Variants in SUGCT observed in about 807,000 individuals in gnomAD.
The protein encoded by SUGCT is succinyl-CoA:glutarate-CoA transferase.
A neutral mutation model predicts 55.0 loss-of-function variants in SUGCT; 41 were observed. The ratio of observed to expected loss-of-function variants is 0.74; its 90% CI spans 0.58 to 0.97. SUGCT has a LOEUF of 0.97. Ranked by LOEUF, SUGCT falls within the 50% of genes least tolerant of loss-of-function variation. The probability of loss-of-function intolerance (pLI) is 0.00; values close to 1 mark genes in which losing one functional copy is unlikely to be tolerated. For synonymous variants in SUGCT, 187 were observed against 200.4 expected, an observed-to-expected ratio of 0.93 and a Z score of 0.56; for missense variants, 568 against 547.8, an observed-to-expected ratio of 1.04 and a Z score of -0.37.
At chr7:40,692,068 A>G (rs949201074) in intron 12 of SUGCT, among the ~76,000 whole-genome samples, 4 of 152,080 alleles carry the variant, frequency 2.6e-5, no homozygotes, top group African/African-American at 9.7e-5. Flanking sequence ...TCGCTGTATC[A>G]CCTCTGCCTC....
At chr7:40,910,758 T>C in the SUGCT span, among the ~76,000 whole-genome samples, 3 of 152,220 alleles carry the variant, frequency 2.0e-5, no homozygotes, top group Admixed American at 2.0e-4. Context: ...GCACACTTAC[T>C]ATACCTCTCT....
chr7:40,443,033 C>T (rs1788605385), intron 9 of SUGCT, among the ~76,000 whole-genome samples: 1 of 152,132 alleles, frequency 6.6e-6, no homozygotes, highest in Non-Finnish European at 1.5e-5. Flanking sequence ...TCATCCATGT[C>T]CCTACAAAGG....
intron 12 of SUGCT, among the ~76,000 whole-genome samples, chr7:40,612,061 A>G (rs575908170): frequency 9.9e-5 from 15 of 151,538 alleles, no homozygotes; most frequent in East Asian, 9.7e-4. Flanking sequence ...TTCTTAAATT[A>G]CAATAATGAT....
chr7:40,741,898 T>C (rs1429392515), intron 12 of SUGCT, among the ~76,000 whole-genome samples: 1 of 152,172 alleles, frequency 6.6e-6, no homozygotes, highest in Non-Finnish European at 1.5e-5. Context: ...TTGGAGTATA[T>C]ACACACTGAT....
intron 9 of SUGCT, among the ~76,000 whole-genome samples, chr7:40,381,857 T>A (rs1208365073): frequency 6.6e-6 from 1 of 151,998 alleles, no homozygotes; most frequent in Non-Finnish European, 1.5e-5. Flanking sequence ...TATTTTTTTA[T>A]GTTAATCATT....
intron 8 of SUGCT, among the ~76,000 whole-genome samples, chr7:40,285,237 T>G (rs1483965120): frequency 4.6e-5 from 7 of 152,074 alleles, no homozygotes; most frequent in African/African-American, 1.7e-4. Context: ...AATGGAAAGA[T>G]CTATTGATGT....
At chr7:40,771,045 G>A (rs1465501643) in intron 13 of SUGCT, among the ~76,000 whole-genome samples, 1 of 152,088 alleles carries the variant, frequency 6.6e-6, no homozygotes, top group Non-Finnish European at 1.5e-5. Flanking sequence ...TGAAATATGA[G>A]CAGATAATTT....
At chr7:40,329,155 A>G (rs1007129881) in intron 9 of SUGCT, among the ~76,000 whole-genome samples, 2 of 152,128 alleles carry the variant, frequency 1.3e-5, no homozygotes, top group African/African-American at 4.8e-5. Context: ...ACCCTGATAG[A>G]TCTCAGTTCA....
chr7:40,932,124 T>A, the SUGCT span, among the ~76,000 whole-genome samples: 1 of 151,774 alleles, frequency 6.6e-6, no homozygotes. Flanking sequence ...GTACATTGTG[T>A]CTTTGTTCTC....
At chr7:40,328,028 C>T (rs369507504) in intron 9 of SUGCT, among the ~76,000 whole-genome samples, 15 of 152,278 alleles carry the variant, frequency 9.9e-5, no homozygotes, top group East Asian at 3.9e-4. Context: ...GACTTGAGCT[C>T]ATTGTACTGT....
intron 12 of SUGCT, among the ~76,000 whole-genome samples, chr7:40,502,174 A>G (rs1792315269): frequency 6.6e-6 from 1 of 152,048 alleles, no homozygotes; most frequent in Non-Finnish European, 1.5e-5. Flanking sequence ...TAGTTTATTC[A>G]TCAAGCTCCA....
At chr7:40,727,167 T>C (rs1274528731) in intron 12 of SUGCT, among the ~76,000 whole-genome samples, 1 of 152,236 alleles carries the variant, frequency 6.6e-6, no homozygotes, top group East Asian at 1.9e-4. Context: ...TTTCCTTTTT[T>C]TGCCTTTCAC....
At chr7:40,578,692 A>G (rs1796911099) in intron 12 of SUGCT, among the ~76,000 whole-genome samples, 1 of 152,140 alleles carries the variant, frequency 6.6e-6, no homozygotes, top group South Asian at 2.1e-4. Context: ...GTAGTCTTCA[A>G]CTCAGGCGAT....
chr7:40,228,492 T>TTGTG (rs369027925), intron 6 of SUGCT, among the ~76,000 whole-genome samples: 1 of 150,700 alleles, frequency 6.6e-6, no homozygotes, highest in African/African-American at 2.4e-5. Flanking sequence ...TTGTTCAGGT[T>TTGTG]TGTGTGTGTG....
At chr7:40,466,943 C>T (rs966369036) in intron 11 of SUGCT, among the ~76,000 whole-genome samples, 49 of 152,196 alleles carry the variant, frequency 3.2e-4, no homozygotes, top group African/African-American at 1.2e-3. Context: ...GTGGCTTACG[C>T]CTGTAATCCC....
chr7:40,335,760 C>G (rs190089948), intron 9 of SUGCT, among the ~76,000 whole-genome samples: 9 of 152,052 alleles, frequency 5.9e-5, no homozygotes, highest in Non-Finnish European at 1.0e-4. Flanking sequence ...CCCTGATTGC[C>G]CTGGCCAGAA....
At chr7:40,387,257 A>G (rs1179668880) in intron 9 of SUGCT, among the ~76,000 whole-genome samples, 1 of 152,162 alleles carries the variant, frequency 6.6e-6, no homozygotes, top group Non-Finnish European at 1.5e-5. Flanking sequence ...GGTATTATTC[A>G]TCTCCCTTCA....
At chr7:40,835,648 T>C (rs1792928292) in intron 13 of SUGCT, among the ~76,000 whole-genome samples, 1 of 152,172 alleles carries the variant, frequency 6.6e-6, no homozygotes, top group Non-Finnish European at 1.5e-5. Flanking sequence ...ATTTGATGGC[T>C]TTATTGTATA....
At chr7:40,753,068 CT>C (rs1788094986) in intron 13 of SUGCT, among the ~76,000 whole-genome samples, 1 of 152,130 alleles carries the variant, frequency 6.6e-6, no homozygotes, top group Non-Finnish European at 1.5e-5. Context: ...GACAATTCTG[CT>C]TACAGATGTC....
Sources: allele counts gnomAD v4.1 joint callset (sites outside exome capture counted in the v4.1 genomes callset), GRCh38; gene constraint gnomAD v4.1.1; transcripts MANE v1.5; gene names NCBI Gene and HGNC (gene_info 2026-07-23, HGNC 2026-07-21).